The following IL7 variants were observed in gnomAD, a reference collection of about 807,000 sequenced individuals.
IL7 encodes the protein interleukin-7.
A neutral mutation model predicts 21.6 loss-of-function variants in IL7; 3 were observed. The observed-to-expected ratio is 0.14, with a 90% CI of 0.06 to 0.36. The LOEUF (loss-of-function observed/expected upper bound fraction) is 0.36, where lower values mean the gene tolerates loss of function less well. IL7 is among the 10% of genes least tolerant of loss of function. IL7 has a pLI of 1.00. For synonymous variants in IL7, 62 were observed against 68.1 expected, an observed-to-expected ratio of 0.91 and a Z score of 0.44; for missense variants, 175 against 200.2, an observed-to-expected ratio of 0.87 and a Z score of 0.76.
At chr8:78,688,459 CA>C (rs1810097918) in intron 3 of IL7, among the ~76,000 whole-genome samples, 1 of 152,032 alleles carries the variant, frequency 6.6e-6, no homozygotes, top group African/African-American at 2.4e-5. Flanking sequence ...AACTCTGTAT[CA>C]AAAAAGTAAA....
At chr8:78,794,086 A>G (rs182631704) in intron 2 of IL7, among the ~76,000 whole-genome samples, 338 of 152,250 alleles carry the variant, frequency 2.2e-3, no homozygotes, top group Middle Eastern at 6.8e-3. Flanking sequence ...TGAACCCCTC[A>G]AAGTCATCTA....
intron 1 of IL7, among the ~76,000 whole-genome samples, chr8:78,802,339 G>T (rs144842045): frequency 2.8e-3 from 421 of 152,162 alleles, no homozygotes; most frequent in African/African-American, 9.6e-3. Flanking sequence ...TCATGAAGAA[G>T]TAGGTAAGTA....
intron 2 of IL7, among the ~76,000 whole-genome samples, chr8:78,771,498 A>G (rs974849272): frequency 3.9e-5 from 6 of 152,100 alleles, no homozygotes; most frequent in Admixed American, 2.6e-4. Flanking sequence ...ATGGAAGAAT[A>G]AAGAAACCCT....
chr8:78,743,050 G>A (rs1294534173), intron 2 of IL7, among the ~76,000 whole-genome samples: 2 of 152,170 alleles, frequency 1.3e-5, no homozygotes, highest in African/African-American at 2.4e-5. Flanking sequence ...TCCCTGCAAA[G>A]GACATGATCT....
intron 2 of IL7, among the ~76,000 whole-genome samples, chr8:78,778,467 G>A (rs184904124): frequency 6.6e-4 from 100 of 151,858 alleles, no homozygotes; most frequent in African/African-American, 2.3e-3. Context: ...TTAAAATAAT[G>A]GAATATTAAG....
intron 2 of IL7, among the ~76,000 whole-genome samples, chr8:78,747,926 T>C (rs1236623426): frequency 6.6e-6 from 1 of 152,224 alleles, no homozygotes; most frequent in Admixed American, 6.5e-5. Flanking sequence ...CGGAGAAGGA[T>C]ACTTCACAAG....
intron 2 of IL7, among the ~76,000 whole-genome samples, chr8:78,744,298 T>A (rs1811899818): frequency 6.6e-6 from 1 of 152,004 alleles, no homozygotes; most frequent in Non-Finnish European, 1.5e-5. Flanking sequence ...CTGGAGGCCC[T>A]GGTTGGGAGG....
exon 5 of IL7, chr8:78,675,966 A>G: frequency 2.1e-6 from 2 of 946,492 alleles, no homozygotes; most frequent in Non-Finnish European, 3.3e-6. Context: ...TAGTTTTTGA[A>G]GAGTTAATGG....
intron 3 of IL7, chr8:78,689,447 T>A (rs1810136347): frequency 7.2e-7 from 1 of 1,381,572 alleles, no homozygotes; most frequent in Admixed American, 2.6e-5. Flanking sequence ...GTTTATGCTT[T>A]TCATGACATT....
chr8:78,726,370 C>T lies in IL7; in HGVS notation n.268-4930G>A, dbSNP rs140614415. On this transcript the variant is annotated intron_variant and non_coding_transcript_variant, in intron 3 of 6. Transcript: ENST00000519833. ...GTGCACAGGCTCTGTGGTGAGAGCC[C>T]GGTACCTCTGGAATGGTGTGTGTGT... Among the ~76,000 whole-genome samples the T allele has an allele frequency of 6.6e-3, 998 of 151,942 alleles. 12 individuals carry two copies. The highest frequency in any genetic ancestry group is 0.022 in the African/African-American group (904 of 41,490).
In IL7 at chr8:78,798,083, C is replaced by T. The variant is rs753164075; in HGVS notation, c.136G>A (p.Asp46Asn). ...QYESVLMVSI[D>N]QLLDSMKEIG... is the part of the protein sequence containing the mutation. The stretch of plus-strand genomic sequence containing the variant: ...AAATAATCACATACCAATAATTGAT[C>T]GATGCTGACCATTAGAACACTCTCA... The change falls in exon 2 of 6, where the codon GAT becomes AAT. Residue 46 changes from aspartate to asparagine, a missense_variant. Transcript: ENST00000263851. 148 of 1,599,580 alleles carry T rather than the reference C, an allele frequency of 9.3e-5. No individual in the cohort carries two copies. Among genetic ancestry groups the T allele is most frequent in the Non-Finnish European group, 1.2e-4 (142 of 1,172,342 alleles).
In IL7 at chr8:78,733,758, T is replaced by C. The variant is rs1811486727; in HGVS notation, c.489A>G (p.Ile163Met). Reference sequence around the variant, plus strand: ...TCAAAATTTTATTCCAACAAGTTTTTATCTCTTGTAATAGTCTCTTTAGGA... The same window carrying C: ...TCAAAATTTTATTCCAACAAGTTTTCATCTCTTGTAATAGTCTCTTTAGGA... ...LCFLKRLLQE[I>M]KTCWNKILMG... Residue 163 changes from isoleucine (I) to methionine (M), a missense_variant, in exon 6 of 6, where the codon ATA becomes ATG. Physicochemically the swap from Ile to Met is conservative, Grantham distance 10. Transcript: ENST00000263851. The C allele has an allele frequency of 6.2e-7, 1 of 1,602,140 alleles. No individual in the cohort carries two copies. Among genetic ancestry groups the C allele is most frequent in the Non-Finnish European group, 8.5e-7 (1 of 1,175,586 alleles).
At chr8:78,687,400 T>C (rs1184213287) in intron 3 of IL7, among the ~76,000 whole-genome samples, 1 of 149,568 alleles carries the variant, frequency 6.7e-6, no homozygotes, top group Non-Finnish European at 1.5e-5. Context: ...GTAAATATCT[T>C]AGATTTTATA....
chr8:78,760,201 G>A, intron 2 of IL7: 1 of 1,575,476 alleles, frequency 6.3e-7, no homozygotes, highest in Non-Finnish European at 8.6e-7. Flanking sequence ...CTTGTATAGA[G>A]TTTAATATAT....
intron 2 of IL7, among the ~76,000 whole-genome samples, chr8:78,752,576 AATGTCTATTCAC>A (rs1201430625): frequency 1.1e-4 from 17 of 152,018 alleles, no homozygotes; most frequent in Admixed American, 6.6e-4. Flanking sequence ...TAGTTTCATA[AATGTCTATTCAC>A]ATCCTTTGCT....
At chr8:78,724,072 A>T (rs950663598) in intron 3 of IL7, 1 of 157,290 alleles carries the variant, frequency 6.4e-6, no homozygotes, top group East Asian at 1.9e-4. Context: ...GTGTTTGAAG[A>T]TGAGGAAGAA....
Position 78,738,616 on chromosome 8 carries a change from C to G in IL7, c.248G>C (p.Arg83Pro). 1 of 1,613,562 alleles carries G rather than the reference C, an allele frequency of 6.2e-7. No individual in the cohort carries two copies. ...DANKEGMFLF[R>P]AARKLRQFLK... is the part of the protein sequence containing the mutation. ...AAATTGCCTCAACTTGCGAGCAGCA[C>G]GGAATAAAAACATACCTTCCTATTA... The change falls in exon 4 of 6, where the codon CGT becomes CCT. Residue 83 changes from arginine to proline, a missense_variant. Physicochemically the swap from Arg to Pro is moderately radical, Grantham distance 103. Coordinates refer to ENST00000263851, the MANE Select transcript of IL7 (RefSeq NM_000880.4).
intron 1 of IL7, 90 bp downstream of exon 1, chr8:78,804,823 C>T: frequency 6.7e-7 from 1 of 1,487,068 alleles, no homozygotes; most frequent in South Asian, 1.2e-5. Flanking sequence ...TATTCCCGGA[C>T]TTGCCTAGGA....
intron 2 of IL7, among the ~76,000 whole-genome samples, chr8:78,785,125 C>T (rs1389182285): frequency 2.0e-5 from 3 of 152,048 alleles, no homozygotes; most frequent in Admixed American, 1.3e-4. Flanking sequence ...TTCTTCCTTG[C>T]TCTTGAAATT....
Sources: allele counts gnomAD v4.1 joint callset (sites outside exome capture counted in the v4.1 genomes callset), GRCh38; gene constraint gnomAD v4.1.1; transcripts MANE v1.5; gene names NCBI Gene and HGNC (gene_info 2026-07-23, HGNC 2026-07-21).